NT5C3A: variants seen among roughly 807,000 people sequenced by gnomAD.
NT5C3A encodes 5'-nucleotidase, cytosolic IIIA.
Under a neutral mutation model 40.0 loss-of-function variants are expected in NT5C3A, and 23 were observed. The ratio of observed to expected loss-of-function variants is 0.58; its 90% CI spans 0.41 to 0.81. The LOEUF (loss-of-function observed/expected upper bound fraction) is 0.81, where lower values mean the gene tolerates loss of function less well. NT5C3A is among the 40% of genes least tolerant of loss of function. The pLI, the probability that NT5C3A is intolerant of heterozygous loss-of-function variation, is 0.00. For synonymous variants in NT5C3A, 130 were observed against 141.4 expected (o/e 0.92, Z 0.57); for missense variants, 328 against 403.0 (o/e 0.81, Z 1.59).
intron 7 of NT5C3A, chr7:33,017,072 A>C: frequency 5.4e-6 from 1 of 184,080 alleles, no homozygotes. Context: ...AATCCCAGCT[A>C]CTCGAGAGGC....
At chr7:33,039,514 C>T (rs1786793281) in intron 1 of NT5C3A, among the ~76,000 whole-genome samples, 1 of 132,878 alleles carries the variant, frequency 7.5e-6, no homozygotes, top group Non-Finnish European at 1.6e-5. Context: ...TTTTCCTATA[C>T]TTTTTCAGTA....
chr7:33,022,042 T>C lies in NT5C3A; in HGVS notation c.354+11A>G. ...GTCTTTGAGTGACTATAGATTGTTG[T>C]TAGTGTTTACCTTTTTTCTACATTC... is the stretch of plus-strand genomic sequence containing the variant. On this transcript the variant is annotated intron_variant, in intron 4 of 8. Coordinates refer to ENST00000610140, the MANE Select transcript of NT5C3A (RefSeq NM_001002010.5). 6.9e-7 allele frequency: 1 copy of C among 1,455,418 alleles called. No homozygotes were observed. The highest frequency in any genetic ancestry group is 9.6e-7 in the Non-Finnish European group (1 of 1,036,586). 90.2% of individuals were successfully genotyped at this position (1,455,418 alleles called of 1,614,324 possible). A position where few individuals can be genotyped will look rare whatever the true frequency, so the allele number is the denominator to read the frequency against.
intron 1 of NT5C3A, among the ~76,000 whole-genome samples, chr7:33,058,414 T>C (rs910901085): frequency 6.6e-6 from 1 of 152,196 alleles, no homozygotes; most frequent in African/African-American, 2.4e-5. Flanking sequence ...TGGTGCAATC[T>C]TGGCTCACTG....
chr7:33,018,291 G>A (rs1462191962), intron 6 of NT5C3A, among the ~76,000 whole-genome samples: 1 of 152,164 alleles, frequency 6.6e-6, no homozygotes, highest in Non-Finnish European at 1.5e-5. Flanking sequence ...CAGGAACTTA[G>A]ATGTATTCTC....
intron 1 of NT5C3A, chr7:33,029,511 A>C (rs568295350): frequency 4.2e-6 from 2 of 481,088 alleles, no homozygotes; most frequent in African/African-American, 2.0e-5. Flanking sequence ...AGCAATCAGC[A>C]TATGTTTGAT....
intron 1 of NT5C3A, among the ~76,000 whole-genome samples, chr7:33,058,518 T>G (rs2128020931): frequency 6.6e-6 from 1 of 152,202 alleles, no homozygotes; most frequent in East Asian, 1.9e-4. Context: ...AACTACTTTG[T>G]TTTTTTATTT....
intron 1 of NT5C3A, 62 bp from the exon 2 acceptor site, chr7:33,026,977 A>G (rs1785980320): frequency 9.2e-7 from 1 of 1,082,192 alleles, no homozygotes; most frequent in Admixed American, 1.8e-5. Flanking sequence ...TTCCTTTGAT[A>G]CCAAGCAGAA....
intron 2 of NT5C3A, among the ~76,000 whole-genome samples, chr7:33,025,708 T>TA (rs142249114): frequency 0.053 from 8,111 of 152,284 alleles, 263 homozygotes; most frequent in East Asian, 0.16. Flanking sequence ...AATAAAAACT[T>TA]AAGAGTATTT....
intron 6 of NT5C3A, among the ~76,000 whole-genome samples, chr7:33,018,128 T>C (rs1163810811): frequency 6.6e-6 from 1 of 152,240 alleles, no homozygotes; most frequent in Non-Finnish European, 1.5e-5. Context: ...ATAGTGGGCC[T>C]ATCAACTTGG....
intron 1 of NT5C3A, among the ~76,000 whole-genome samples, chr7:33,058,759 CTCT>C (rs1277006159): frequency 4.6e-5 from 7 of 152,210 alleles, no homozygotes; most frequent in Non-Finnish European, 8.8e-5. Flanking sequence ...TTTTCTCCTC[CTCT>C]TATCTTTAAC....
chr7:33,017,368 CAATA>C (rs1367153852), intron 7 of NT5C3A, 67 bp downstream of exon 7: 13 of 1,248,048 alleles, frequency 1.0e-5, no homozygotes, highest in Non-Finnish European at 1.5e-5. Context: ...TATTAAGTAA[CAATA>C]AATAAATTTA....
chr7:33,057,660 A>C (rs896667827), intron 1 of NT5C3A, among the ~76,000 whole-genome samples: 1 of 152,216 alleles, frequency 6.6e-6, no homozygotes, highest in African/African-American at 2.4e-5. Flanking sequence ...GATATGTTTA[A>C]ATTGGAAATG....
rs555259099 is a variant in NT5C3A, at chr7:33,043,408, C to G, written c.139-16493G>C. Among the ~76,000 whole-genome samples the G allele has an allele frequency of 2.0e-5, 3 of 152,156 alleles. No homozygotes were observed. In the South Asian group the frequency reaches 6.2e-4, roughly 32 times the overall value. ...TGTGCTCCTTGGGAAATTTAAATAG[C>G]GTGTTAAAAACGTCATAGGAGTAGC... is the stretch of plus-strand genomic sequence containing the variant. On this transcript the variant is annotated intron_variant, in intron 1 of 8. Transcript: ENST00000610140.
intron 1 of NT5C3A, chr7:33,029,724 G>GT: frequency 7.8e-7 from 1 of 1,276,744 alleles, no homozygotes; most frequent in East Asian, 5.6e-5. Context: ...ACTAACAAAT[G>GT]TAAGATTGGT....
intron 1 of NT5C3A, among the ~76,000 whole-genome samples, chr7:33,046,775 G>GT (rs1272397191): frequency 1.3e-5 from 2 of 150,950 alleles, no homozygotes; most frequent in South Asian, 2.1e-4. Flanking sequence ...AATGCCATAT[G>GT]TTTGAATATT....
At chr7:33,014,894 T>C in intron 8 of NT5C3A, 63 bp from the exon 9 acceptor site, 2 of 1,376,520 alleles carry the variant, frequency 1.5e-6, no homozygotes, top group South Asian at 1.2e-5. Context: ...AATTTCAGTA[T>C]GAATCTCGTT....
chr7:33,055,761 G>A (rs955854868), intron 1 of NT5C3A, among the ~76,000 whole-genome samples: 2 of 152,136 alleles, frequency 1.3e-5, no homozygotes, highest in African/African-American at 4.8e-5. Flanking sequence ...AAAATTTACT[G>A]TTTACTGAAG....
At chr7:33,051,296 A>G (rs532454602) in intron 1 of NT5C3A, among the ~76,000 whole-genome samples, 22 of 152,040 alleles carry the variant, frequency 1.4e-4, no homozygotes, top group African/African-American at 5.1e-4. Flanking sequence ...CTTGGGTAGC[A>G]GGGATTACAG....
At chr7:33,029,272 C>T in intron 1 of NT5C3A, 1 of 168,486 alleles carries the variant, frequency 5.9e-6, no homozygotes, top group Non-Finnish European at 1.3e-5. Flanking sequence ...TTAACCCATT[C>T]ACTCGCCTAA....
Sources: allele counts gnomAD v4.1 joint callset (sites outside exome capture counted in the v4.1 genomes callset), GRCh38; gene constraint gnomAD v4.1.1; transcripts MANE v1.5; gene names NCBI Gene and HGNC (gene_info 2026-07-23, HGNC 2026-07-21).